Variants in NELL2 observed in about 807,000 individuals in gnomAD.
NELL2 encodes the protein protein kinase C-binding protein NELL2.
A neutral mutation model predicts 109.6 loss-of-function variants in NELL2; 41 were observed. The observed-to-expected ratio is 0.37, with a 90% CI of 0.29 to 0.49. The LOEUF (loss-of-function observed/expected upper bound fraction) is 0.49, where lower values mean the gene tolerates loss of function less well. Among genes scored for constraint, NELL2 ranks in the 20% least tolerant of loss-of-function variants. The pLI is 0.98. For missense variants in NELL2, 900 were observed against 1,008.3 expected, an observed-to-expected ratio of 0.89 and a Z score of 1.45; for synonymous variants, 355 against 344.7, an observed-to-expected ratio of 1.03 and a Z score of -0.33.
chr12:44,713,177 TACACACACACAC>T (rs35017907), intron 10 of NELL2, among the ~76,000 whole-genome samples: 28 of 141,906 alleles, frequency 2.0e-4, no homozygotes, highest in Admixed American at 5.0e-4. Flanking sequence ...ATGAATAGGA[TACACACACACAC>T]ACACACACAC....
intron 9 of NELL2, among the ~76,000 whole-genome samples, chr12:44,737,513 T>G (rs143277217): frequency 5.3e-5 from 8 of 152,256 alleles, no homozygotes; most frequent in African/African-American, 1.7e-4. Flanking sequence ...GTTATTTTAA[T>G]TCGAAATCAT....
At position 44,899,563 on chromosome 12, in the gene NELL2, T is replaced by C. The variant is rs1030368961; in HGVS notation, c.38+14236A>G. 5.9e-5 allele frequency among the ~76,000 whole-genome samples: 9 copies of C among 152,168 alleles called. 1 individual carries two copies. Among genetic ancestry groups the C allele is most frequent in the Admixed American group, 2.0e-4 (3 of 15,280 alleles). On this transcript the variant is annotated intron_variant, in intron 1 of 20. Coordinates refer to the NELL2 transcript ENST00000333837. ...AAATCCTTTATAGACAAGCAAATGC[T>C]GAGAGATTTTGTCACCACCAGGCCT...
Position 44,594,129 on chromosome 12 carries a change from C to A in NELL2, c.1663+13040G>T, listed in dbSNP as rs991298551. Among the ~76,000 whole-genome samples, 6 of 148,682 alleles carry A rather than the reference C, an allele frequency of 4.0e-5. No homozygotes were observed. The East Asian group carries it at 9.9e-4, about 24-fold the overall frequency. On this transcript the variant is annotated intron_variant, in intron 15 of 19. Coordinates refer to ENST00000429094, the MANE Select transcript of NELL2 (RefSeq NM_001145108.2). ...ACACAGGGAGGGGAACATCACACACCGGGGCCTGTTGGGGGTGGCGGGATA... is the reference window on the plus strand; with the variant it reads ...ACACAGGGAGGGGAACATCACACACAGGGGCCTGTTGGGGGTGGCGGGATA...
intron 15 of NELL2, among the ~76,000 whole-genome samples, chr12:44,587,872 T>C (rs752699093): frequency 2.3e-4 from 35 of 151,972 alleles, no homozygotes; most frequent in Non-Finnish European, 4.3e-4. Context: ...TTGGTTTCGG[T>C]TGGGCGCAGT....
intron 2 of NELL2, among the ~76,000 whole-genome samples, chr12:44,862,743 T>C (rs778681333): frequency 1.2e-4 from 18 of 151,360 alleles, no homozygotes; most frequent in South Asian, 6.3e-4. Context: ...GTGCACAAAA[T>C]GAAAAGTGCA....
rs1362008022 is a variant in NELL2, at chr12:44,743,109, G to A, written c.995-28368C>T. Among the ~76,000 whole-genome samples, 8 of 152,316 alleles carry A rather than the reference G, an allele frequency of 5.3e-5. No individual in the cohort carries two copies. In the South Asian group the frequency reaches 1.0e-3, roughly 20 times the overall value. ...CAGACTAACAGCAGATCTCTCGGCA[G>A]AAACTCTACAAGCCAGAAGAGCATG... On this transcript the variant is annotated intron_variant, in intron 9 of 19. Coordinates refer to ENST00000429094, the MANE Select transcript of NELL2 (RefSeq NM_001145108.2).
chr12:44,790,400 A>G (rs951578910), intron 3 of NELL2, among the ~76,000 whole-genome samples: 1 of 152,194 alleles, frequency 6.6e-6, no homozygotes, highest in Non-Finnish European at 1.5e-5. Context: ...AAGGAAAGAT[A>G]CAGTGTTTTT....
At chr12:44,852,799 T>A (rs944015552) in intron 2 of NELL2, among the ~76,000 whole-genome samples, 2 of 152,176 alleles carry the variant, frequency 1.3e-5, no homozygotes, top group Admixed American at 1.3e-4. Flanking sequence ...TTTGAAAGTA[T>A]GTTATCAAAG....
At chr12:44,621,995 A>G (rs1946078265) in intron 13 of NELL2, among the ~76,000 whole-genome samples, 1 of 152,132 alleles carries the variant, frequency 6.6e-6, no homozygotes, top group Non-Finnish European at 1.5e-5. Context: ...CTGTCACTCC[A>G]TAATCAGTAT....
chr12:44,674,151 T>G (rs1948231492), intron 12 of NELL2, among the ~76,000 whole-genome samples: 1 of 152,178 alleles, frequency 6.6e-6, no homozygotes, highest in Non-Finnish European at 1.5e-5. Flanking sequence ...GCTTATTTGT[T>G]CTGAGAACCC....
intron 9 of NELL2, among the ~76,000 whole-genome samples, chr12:44,771,558 T>C (rs934839996): frequency 6.6e-6 from 1 of 152,348 alleles, no homozygotes; most frequent in Admixed American, 6.5e-5. Context: ...ATTATGGCTG[T>C]AATTACTATG....
chr12:44,737,580 C>T (rs1939717406), intron 9 of NELL2, among the ~76,000 whole-genome samples: 1 of 151,826 alleles, frequency 6.6e-6, no homozygotes, highest in Non-Finnish European at 1.5e-5. Flanking sequence ...TAATAATCCC[C>T]CCATGGTAAA....
intron 9 of NELL2, among the ~76,000 whole-genome samples, chr12:44,733,655 T>G (rs550106547): frequency 4.6e-5 from 7 of 151,646 alleles, no homozygotes; most frequent in African/African-American, 1.2e-4. Context: ...GTGCATATAG[T>G]TAACAATACT....
At chr12:44,565,887 A>C (rs998494909) in intron 15 of NELL2, among the ~76,000 whole-genome samples, 1 of 152,170 alleles carries the variant, frequency 6.6e-6, no homozygotes, top group Admixed American at 6.5e-5. Flanking sequence ...TAGGATTTTG[A>C]GGATTGCACA....
Position 44,617,691 on chromosome 12 carries a change from C to CAAAAAAAAAA in NELL2, c.1445-6731_1445-6722dup, listed in dbSNP as rs975070930. Among the ~76,000 whole-genome samples the CAAAAAAAAAA allele has an allele frequency of 6.4e-3, 143 of 22,378 alleles. 9 individuals are homozygous for CAAAAAAAAAA. Among genetic ancestry groups the CAAAAAAAAAA allele is most frequent in the East Asian group, 0.014 (10 of 732 alleles). The allele number at this position is 22,378 out of a possible 152,430, so 14.7% of individuals were successfully genotyped here. A position where few individuals can be genotyped will look rare whatever the true frequency, so the allele number is the denominator to read the frequency against. ...TGGGCGACAGAGCGAGACTCCGTCTCAAAAAAAAAAAAAAAAAAAAAAGAA... is the reference window on the plus strand; with the variant it reads ...TGGGCGACAGAGCGAGACTCCGTCTCAAAAAAAAAAAAAAAAAAAAAAAAAAAAAAAAGAA... On this transcript the variant is annotated intron_variant, in intron 13 of 19. Transcript: ENST00000429094.
chr12:44,758,025 T>C (rs1940963767), intron 9 of NELL2, among the ~76,000 whole-genome samples: 1 of 149,896 alleles, frequency 6.7e-6, no homozygotes, highest in African/African-American at 2.4e-5. Context: ...GGTGAAAAAT[T>C]GTCTTTTGAT....
intron 9 of NELL2, among the ~76,000 whole-genome samples, chr12:44,753,825 G>A (rs1423591516): frequency 6.6e-6 from 1 of 151,438 alleles, no homozygotes; most frequent in Non-Finnish European, 1.5e-5. Context: ...ATATCATGGT[G>A]AGGAATTTTC....
chr12:44,518,222 T>C (rs1385102085), intron 19 of NELL2, among the ~76,000 whole-genome samples: 4 of 152,030 alleles, frequency 2.6e-5, no homozygotes, highest in Non-Finnish European at 5.9e-5. Context: ...TATAAGGTAG[T>C]GAATGACAAA....
chr12:44,522,247 A>G (rs1238002354), intron 17 of NELL2, 71 bp from the exon 18 acceptor site: 53 of 1,273,748 alleles, frequency 4.2e-5, no homozygotes, highest in Admixed American at 3.2e-4. Flanking sequence ...ACACACACGC[A>G]CACACATTTC....
Sources: allele counts gnomAD v4.1 joint callset (sites outside exome capture counted in the v4.1 genomes callset), GRCh38; gene constraint gnomAD v4.1.1; transcripts MANE v1.5; gene names NCBI Gene and HGNC (gene_info 2026-07-23, HGNC 2026-07-21).